ADGRB3: variants seen among roughly 807,000 people sequenced by gnomAD.
ADGRB3 encodes the protein brain-specific angiogenesis inhibitor 3.
A neutral mutation model predicts 193.4 loss-of-function variants in ADGRB3; 37 were observed. That is an observed-to-expected ratio of 0.19 (90% CI 0.15 to 0.25). The LOEUF (loss-of-function observed/expected upper bound fraction) is 0.25, where lower values mean the gene tolerates loss of function less well. Ranked by LOEUF, ADGRB3 falls within the 10% of genes least tolerant of loss-of-function variation. The probability of loss-of-function intolerance (pLI) is 1.00; values close to 1 mark genes in which losing one functional copy is unlikely to be tolerated. For synonymous variants in ADGRB3, 690 were observed against 644.2 expected, an observed-to-expected ratio of 1.07 and a Z score of -1.08; for missense variants, 1,637 against 1,852.9, an observed-to-expected ratio of 0.88 and a Z score of 2.14.
intron 3 of ADGRB3, among the ~76,000 whole-genome samples, chr6:68,666,107 A>G (rs866204401): frequency 1.3e-5 from 2 of 152,022 alleles, no homozygotes; most frequent in Middle Eastern, 3.4e-3. Context: ...CTTCATTAAT[A>G]AATATCTCAT....
intron 17 of ADGRB3, among the ~76,000 whole-genome samples, chr6:69,114,181 G>A (rs1773456410): frequency 6.6e-6 from 1 of 152,082 alleles, no homozygotes; most frequent in Non-Finnish European, 1.5e-5. Flanking sequence ...ACTTCCCTTA[G>A]GTAAGTACTA....
chr6:69,215,142 A>G (rs1582551565), intron 17 of ADGRB3, among the ~76,000 whole-genome samples: 1 of 152,322 alleles, frequency 6.6e-6, no homozygotes, highest in East Asian at 1.9e-4. Flanking sequence ...GCAATGCAGT[A>G]CAGAACCCTG....
intron 3 of ADGRB3, among the ~76,000 whole-genome samples, chr6:68,672,278 T>C (rs1286691234): frequency 6.6e-6 from 1 of 152,010 alleles, no homozygotes; most frequent in Non-Finnish European, 1.5e-5. Flanking sequence ...ATCTGATCTT[T>C]ATTATTTCTT....
intron 6 of ADGRB3, among the ~76,000 whole-genome samples, chr6:68,945,506 T>A (rs1767753157): frequency 1.3e-5 from 2 of 152,152 alleles, no homozygotes; most frequent in South Asian, 2.1e-4. Flanking sequence ...TTATACTTTT[T>A]AAATTTTTTT....
chr6:69,307,827 G>T (rs908062731), intron 20 of ADGRB3, among the ~76,000 whole-genome samples: 4 of 151,386 alleles, frequency 2.6e-5, no homozygotes, highest in African/African-American at 9.7e-5. Context: ...GCTAAAGGGT[G>T]TGACTGGCAC....
chr6:68,785,288 T>A (rs1360726054), intron 3 of ADGRB3, among the ~76,000 whole-genome samples: 1 of 149,094 alleles, frequency 6.7e-6, no homozygotes, highest in African/African-American at 2.5e-5. Context: ...ATATATCTCC[T>A]AATGCTATCC....
chr6:68,675,277 G>A (rs1156382640), intron 3 of ADGRB3, among the ~76,000 whole-genome samples: 1 of 152,028 alleles, frequency 6.6e-6, no homozygotes, highest in East Asian at 1.9e-4. Flanking sequence ...AGAAAACAAA[G>A]GAAATATGTG....
At chr6:69,037,129 C>T (rs545051369) in intron 13 of ADGRB3, among the ~76,000 whole-genome samples, 88 of 151,852 alleles carry the variant, frequency 5.8e-4, no homozygotes, top group South Asian at 1.5e-3. Flanking sequence ...TTGTAGGGGG[C>T]GAAAATATCA....
chr6:69,353,177 T>G (rs1769264534), intron 26 of ADGRB3, among the ~76,000 whole-genome samples: 1 of 152,318 alleles, frequency 6.6e-6, no homozygotes, highest in East Asian at 1.9e-4. Context: ...GCTTTTTGTG[T>G]TTGTTACTCA....
At chr6:68,889,916 A>G (rs1459751851) in intron 3 of ADGRB3, among the ~76,000 whole-genome samples, 1 of 152,206 alleles carries the variant, frequency 6.6e-6, no homozygotes, top group African/African-American at 2.4e-5. Context: ...TTGTAACTAC[A>G]TATATATTTT....
intron 3 of ADGRB3, among the ~76,000 whole-genome samples, chr6:68,785,051 A>G (rs1766934588): frequency 6.6e-6 from 1 of 152,138 alleles, no homozygotes; most frequent in Admixed American, 6.6e-5. Flanking sequence ...AGAACCCCTG[A>G]ATCTCCTAGA....
At chr6:68,752,894 A>C (rs1398659673) in intron 3 of ADGRB3, among the ~76,000 whole-genome samples, 1 of 152,218 alleles carries the variant, frequency 6.6e-6, no homozygotes, top group Non-Finnish European at 1.5e-5. Context: ...AAATTCAAGC[A>C]GACCTTGGGT....
At chr6:68,960,795 C>T (rs1932622) in intron 8 of ADGRB3, among the ~76,000 whole-genome samples, 47,091 of 151,870 alleles carry the variant, frequency 0.31, 7,723 homozygotes, top group Middle Eastern at 0.45. Flanking sequence ...CTGAGCCAGA[C>T]CCCACCAGCC....
chr6:68,970,584 G>T (rs1768531854), intron 8 of ADGRB3, among the ~76,000 whole-genome samples: 1 of 152,150 alleles, frequency 6.6e-6, no homozygotes, highest in Non-Finnish European at 1.5e-5. Flanking sequence ...GGGATTACAG[G>T]CATGAGCCAC....
intron 17 of ADGRB3, among the ~76,000 whole-genome samples, chr6:69,153,844 T>A (rs1774749210): frequency 6.6e-6 from 1 of 151,938 alleles, no homozygotes. Context: ...ATACAAAAAA[T>A]TAGCCAGGCA....
intron 30 of ADGRB3, among the ~76,000 whole-genome samples, chr6:69,381,298 G>A (rs534891678): frequency 6.6e-6 from 1 of 151,986 alleles, no homozygotes; most frequent in African/African-American, 2.4e-5. Context: ...AAACTGATGG[G>A]AAGTTAATCG....
intron 3 of ADGRB3, among the ~76,000 whole-genome samples, chr6:68,678,794 A>G (rs911111092): frequency 5.3e-5 from 8 of 152,160 alleles, no homozygotes; most frequent in Admixed American, 2.6e-4. Flanking sequence ...AAATAATAAC[A>G]CTGTATTGAT....
At chr6:68,829,091 C>CCTTTTTTTTTTTTTT (rs1767903918) in intron 3 of ADGRB3, among the ~76,000 whole-genome samples, 1 of 94,656 alleles carries the variant, frequency 1.1e-5, no homozygotes, top group African/African-American at 4.0e-5. Context: ...GTTTAAGTAA[C>CCTTTTTTTTTTTTTT]TTTTTTTTTT....
chr6:68,985,170 G>C (rs1193936368), intron 10 of ADGRB3, among the ~76,000 whole-genome samples: 2 of 152,128 alleles, frequency 1.3e-5, no homozygotes, highest in East Asian at 1.9e-4. Flanking sequence ...TGCAGGGAAG[G>C]TATTTGTTAA....
Sources: gnomAD v4.1 joint callset for allele counts (sites outside exome capture counted in the v4.1 genomes callset) on GRCh38, gnomAD v4.1.1 for gene constraint, MANE v1.5 for transcripts, NCBI Gene and HGNC (gene_info 2026-07-23, HGNC 2026-07-21) for gene names.